KAZN: variants seen among roughly 807,000 people sequenced by gnomAD.
KAZN encodes kazrin, periplakin interacting protein.
In KAZN, 40 loss-of-function variants were observed where a neutral mutation model predicts 87.4. The observed-to-expected ratio is 0.46, with a 90% CI of 0.36 to 0.60. KAZN has a LOEUF of 0.60. Ranked by LOEUF, KAZN falls within the 20% of genes least tolerant of loss-of-function variation. The pLI, the probability that KAZN is intolerant of heterozygous loss-of-function variation, is 0.00. For synonymous variants in KAZN, 466 were observed against 458.3 expected (o/e 1.02, Z -0.22); for missense variants, 898 against 1,073.9 (o/e 0.84, Z 2.29).
At chr1:14,698,811 C>G (rs975035017) in intron 1 of KAZN, among the ~76,000 whole-genome samples, 3 of 152,230 alleles carry the variant, frequency 2.0e-5, no homozygotes, top group Non-Finnish European at 1.5e-5. Flanking sequence ...CAAAGAATGT[C>G]CAAACACCTG....
intron 2 of KAZN, among the ~76,000 whole-genome samples, chr1:14,192,084 A>G (rs1465865577): frequency 1.3e-5 from 2 of 152,128 alleles, no homozygotes; most frequent in African/African-American, 2.4e-5. Flanking sequence ...GAGTGGTGGA[A>G]TGTGTGTGGC....
In KAZN at chr1:14,992,532, C is replaced by T. The variant is rs182689083; in HGVS notation, c.418+31657C>T. 5.9e-5 allele frequency among the ~76,000 whole-genome samples: 9 copies of T among 152,346 alleles called. No homozygotes were observed. In the East Asian group the frequency reaches 1.7e-3, roughly 29 times the overall value. On this transcript the variant is annotated intron_variant, in intron 2 of 14. Coordinates refer to ENST00000376030, the MANE Select transcript of KAZN (RefSeq NM_201628.3). ...GTGGCCCCTCCTCCAGGGCTGTTGG[C>T]CACCGCTGTGAGCTCATCTCTTTGG...
Position 15,094,842 on chromosome 1 carries a change from C to T in KAZN, c.1456C>T (p.Leu486=), listed in dbSNP as rs1215002690. ...KVLLSLSDED[L]QLGLGVCSSL... ...GCTGCTGAGCCTGAGTGACGAGGAC[C>T]TGCAGCTGGGCCTTGGGGTGTGCAG... The change falls in exon 10 of 15, where the codon CTG becomes TTG. Residue 486 remains leucine, a synonymous_variant. Coordinates refer to ENST00000376030, the MANE Select transcript of KAZN (RefSeq NM_201628.3). This position sits in a 1 kb window ranked among gnomAD's most constrained non-coding sequence, Gnocchi z 4.5. The T allele has an allele frequency of 4.5e-6, 7 of 1,550,368 alleles. No homozygotes were observed. Among genetic ancestry groups the T allele is most frequent in the Non-Finnish European group, 6.1e-6 (7 of 1,146,584 alleles).
At chr1:13,996,522 G>T (rs1301071793) in intron 1 of KAZN, among the ~76,000 whole-genome samples, 1 of 152,196 alleles carries the variant, frequency 6.6e-6, no homozygotes, top group Non-Finnish European at 1.5e-5. Context: ...GGGGAGGGAG[G>T]GAGGCTGGAT....
chr1:14,504,544 A>G (rs1670447304), intron 2 of KAZN, among the ~76,000 whole-genome samples: 2 of 152,216 alleles, frequency 1.3e-5, no homozygotes. Context: ...GAGTGGAAGC[A>G]GCTGATACGA....
intron 2 of KAZN, among the ~76,000 whole-genome samples, chr1:14,419,944 CAAGGTGG>C (rs1299377428): frequency 6.6e-6 from 1 of 152,140 alleles, no homozygotes; most frequent in Non-Finnish European, 1.5e-5. Context: ...AAAACTTCCA[CAAGGTGG>C]AAGGGAACAT....
chr1:14,289,102 C>A (rs1421707377), intron 2 of KAZN, among the ~76,000 whole-genome samples: 1 of 152,092 alleles, frequency 6.6e-6, no homozygotes, highest in Non-Finnish European at 1.5e-5. Flanking sequence ...TTACTTCCAA[C>A]TATGTGGTCA....
chr1:14,600,873 C>A (rs1676913996), intron 1 of KAZN, among the ~76,000 whole-genome samples: 1 of 152,188 alleles, frequency 6.6e-6, no homozygotes, highest in Non-Finnish European at 1.5e-5. Context: ...GGCTTTTTAT[C>A]TGAGTCCTGG....
At chr1:14,178,024 T>G (rs1357206879) in intron 1 of KAZN, among the ~76,000 whole-genome samples, 1 of 152,172 alleles carries the variant, frequency 6.6e-6, no homozygotes, top group African/African-American at 2.4e-5. Context: ...GGAGGTAATT[T>G]AATCATGGGG....
At position 14,355,983 on chromosome 1, in the gene KAZN, C is replaced by T. The variant is rs972344316; in HGVS notation, c.249+175391C>T. Among the ~76,000 whole-genome samples the T allele has an allele frequency of 3.3e-5, 5 of 152,144 alleles. No homozygotes were observed. The South Asian group carries it at 8.3e-4, about 25-fold the overall frequency. ...GCTGGGTCAAATGGTATTTCTGGTT[C>T]TAGATCCTTGAGGAATGCCACACTG... On this transcript the variant is annotated intron_variant, in intron 2 of 16. Transcript: ENST00000636203.
intron 2 of KAZN, among the ~76,000 whole-genome samples, chr1:14,365,110 C>T (rs1218299180): frequency 2.6e-5 from 4 of 151,712 alleles, no homozygotes; most frequent in African/African-American, 9.7e-5. Context: ...GTGGCACCAT[C>T]TCGGCTCACT....
At chr1:14,872,938 A>AGATGGATGGATGGATG (rs143254162) in intron 1 of KAZN, among the ~76,000 whole-genome samples, 55 of 146,226 alleles carry the variant, frequency 3.8e-4, no homozygotes, top group African/African-American at 1.4e-3. Context: ...ATGGATGGAT[A>AGATGGATGGATGGATG]GATGGATGGA....
chr1:13,972,720 T>C (rs1038032021), intron 1 of KAZN, among the ~76,000 whole-genome samples: 1 of 152,210 alleles, frequency 6.6e-6, no homozygotes, highest in African/African-American at 2.4e-5. Flanking sequence ...AGACTGGCTG[T>C]ATTTAAAGAG....
At chr1:14,040,900 T>C (rs1056145527) in intron 1 of KAZN, among the ~76,000 whole-genome samples, 38 of 152,060 alleles carry the variant, frequency 2.5e-4, no homozygotes, top group Admixed American at 1.2e-3. Context: ...ATAATAGATA[T>C]AAACATTAAA....
intron 1 of KAZN, among the ~76,000 whole-genome samples, chr1:14,888,107 C>T (rs1051358169): frequency 1.3e-5 from 2 of 152,180 alleles, no homozygotes; most frequent in African/African-American, 4.8e-5. Context: ...AAAGGGAAAT[C>T]AAGCAATCGG....
chr1:14,594,267 C>T (rs1217303790), upstream of KAZN, among the ~76,000 whole-genome samples: 1 of 152,192 alleles, frequency 6.6e-6, no homozygotes, highest in East Asian at 1.9e-4. Context: ...GAGGTGCATA[C>T]GGCTGTGCTG....
intron 1 of KAZN, among the ~76,000 whole-genome samples, chr1:14,087,141 C>T (rs762986688): frequency 1.2e-4 from 18 of 152,106 alleles, no homozygotes; most frequent in Non-Finnish European, 2.5e-4. Context: ...ATGTATCTCT[C>T]CATTTATTTA....
chr1:14,736,668 C>A (rs1334961930), intron 1 of KAZN, among the ~76,000 whole-genome samples: 1 of 151,834 alleles, frequency 6.6e-6, no homozygotes, highest in East Asian at 1.9e-4. Context: ...GGTCCCCTGA[C>A]CACACTTTAA....
chr1:14,784,267 A>T (rs1382420112), intron 1 of KAZN, among the ~76,000 whole-genome samples: 1 of 152,180 alleles, frequency 6.6e-6, no homozygotes, highest in East Asian at 1.9e-4. Context: ...CCAACCGATT[A>T]TGGGTTTTAA....
Sources: gnomAD v4.1 joint callset for allele counts (sites outside exome capture counted in the v4.1 genomes callset) on GRCh38, gnomAD v4.1.1 for gene constraint, Gnocchi (gnomAD v3.1) non-coding constraint, MANE v1.5 for transcripts, NCBI Gene and HGNC (gene_info 2026-07-23, HGNC 2026-07-21) for gene names.